The following RABGAP1L variants were observed in gnomAD, a reference collection of about 807,000 sequenced individuals.
RABGAP1L encodes RAB GTPase activating protein 1 like, also known as rab GTPase-activating protein 1-like.
A neutral mutation model predicts 137.7 loss-of-function variants in RABGAP1L; 63 were observed. That is an observed-to-expected ratio of 0.46 (90% confidence interval 0.37 to 0.56). RABGAP1L has a LOEUF of 0.56. Ranked by LOEUF, RABGAP1L falls within the 20% of genes least tolerant of loss-of-function variation. RABGAP1L has a pLI of 0.00. For synonymous variants in RABGAP1L, 431 were observed against 433.7 expected, an observed-to-expected ratio of 0.99 and a Z score of 0.08; for missense variants, 1,095 against 1,244.0, an observed-to-expected ratio of 0.88 and a Z score of 1.80.
At chr1:174,478,229 T>G (rs1488852283) in intron 13 of RABGAP1L, among the ~76,000 whole-genome samples, 1 of 151,780 alleles carries the variant, frequency 6.6e-6, no homozygotes, top group Non-Finnish European at 1.5e-5. Flanking sequence ...ATCTCTTAAC[T>G]TTTTTTTCCT....
chr1:174,693,577 TTTC>T (rs561506803), intron 15 of RABGAP1L, among the ~76,000 whole-genome samples: 1 of 152,212 alleles, frequency 6.6e-6, no homozygotes, highest in Non-Finnish European at 1.5e-5. Flanking sequence ...ATGCATCACT[TTTC>T]TTTTTTTTTG....
intron 17 of RABGAP1L, among the ~76,000 whole-genome samples, chr1:174,749,197 G>T (rs1684136297): frequency 6.6e-6 from 1 of 150,742 alleles, no homozygotes; most frequent in Non-Finnish European, 1.5e-5. Flanking sequence ...AAAGAAAAAA[G>T]AAAAGACATC....
At chr1:174,854,715 C>CTTTTTTTTTTTTTTGT (rs1648969284) in intron 19 of RABGAP1L, among the ~76,000 whole-genome samples, 1 of 56,860 alleles carries the variant, frequency 1.8e-5, no homozygotes. Flanking sequence ...AATATAAATG[C>CTTTTTTTTTTTTTTGT]TTTTTTTTTT....
chr1:174,805,570 C>T (rs1348876836), intron 18 of RABGAP1L, among the ~76,000 whole-genome samples: 13 of 152,160 alleles, frequency 8.5e-5, no homozygotes, highest in Admixed American at 3.3e-4. Context: ...GGCATGATCT[C>T]GGTTCACTGC....
At chr1:174,378,835 G>C (rs1685833412) in intron 12 of RABGAP1L, among the ~76,000 whole-genome samples, 1 of 121,952 alleles carries the variant, frequency 8.2e-6, no homozygotes, top group Non-Finnish European at 1.8e-5. Flanking sequence ...CATTGCTTTT[G>C]GTGTTTTGGA....
At chr1:174,241,401 T>TAAA in intron 4 of RABGAP1L, 82 bp from the exon 5 acceptor site, 1 of 721,574 alleles carries the variant, frequency 1.4e-6, no homozygotes, top group Non-Finnish European at 2.0e-6. Flanking sequence ...TCTTTTTTTT[T>TAAA]AAAAAAAAAA....
intron 13 of RABGAP1L, among the ~76,000 whole-genome samples, chr1:174,603,844 C>A (rs35216639): frequency 0.089 from 13,570 of 151,972 alleles, 824 homozygotes; most frequent in East Asian, 0.22. Flanking sequence ...AATGTCATCC[C>A]GAGCTAGATC....
intron 13 of RABGAP1L, among the ~76,000 whole-genome samples, chr1:174,541,196 A>G (rs1000769910): frequency 6.6e-6 from 1 of 152,166 alleles, no homozygotes; most frequent in African/African-American, 2.4e-5. Context: ...TTGGGCTGAG[A>G]TGATGGGGTT....
chr1:174,674,968 A>T (rs1480041360), intron 14 of RABGAP1L, among the ~76,000 whole-genome samples: 2 of 152,036 alleles, frequency 1.3e-5, no homozygotes, highest in African/African-American at 2.4e-5. Flanking sequence ...GTTTGAGTTC[A>T]TTGTAGATTC....
chr1:174,403,864 T>G (rs993971378), intron 13 of RABGAP1L, among the ~76,000 whole-genome samples: 1 of 152,002 alleles, frequency 6.6e-6, no homozygotes, highest in African/African-American at 2.4e-5. Context: ...TTTGACTTTG[T>G]ATTGGTTATA....
intron 19 of RABGAP1L, 57 bp downstream of exon 19, chr1:174,812,017 C>A: frequency 2.1e-6 from 3 of 1,447,678 alleles, no homozygotes; most frequent in East Asian, 5.0e-5. Flanking sequence ...AATAATATGA[C>A]AAATTATGTA....
intron 24 of RABGAP1L, among the ~76,000 whole-genome samples, chr1:174,987,284 A>G (rs1671672689): frequency 6.6e-6 from 1 of 151,986 alleles, no homozygotes; most frequent in East Asian, 1.9e-4. Flanking sequence ...CTTCTGCCTC[A>G]GCCGCCTGAG....
At chr1:174,316,248 T>C (rs1192997606) in intron 11 of RABGAP1L, among the ~76,000 whole-genome samples, 1 of 152,230 alleles carries the variant, frequency 6.6e-6, no homozygotes, top group Admixed American at 6.5e-5. Flanking sequence ...TGGTGTCTTA[T>C]TGAGTTCATT....
chr1:174,664,174 A>G lies in RABGAP1L; in HGVS notation c.1825-19348A>G, dbSNP rs146017277. Among the ~76,000 whole-genome samples the G allele has an allele frequency of 5.7e-3, 873 of 152,294 alleles. 11 individuals carry two copies. The highest frequency in any genetic ancestry group is 0.02 in the African/African-American group (826 of 41,554). On this transcript the variant is annotated intron_variant, in intron 14 of 25. Coordinates refer to ENST00000681986, the MANE Select transcript of RABGAP1L (RefSeq NM_001366446.1). ...GGGGTTCTCAGGAGCCTAGCCGTCT[A>G]TTATCCCCTAGGTGTAGTAATTCAG...
chr1:174,492,902 T>C (rs1660399906), intron 13 of RABGAP1L, among the ~76,000 whole-genome samples: 3 of 152,004 alleles, frequency 2.0e-5, no homozygotes. Context: ...GTATACTCAC[T>C]TTTTGTTTCC....
chr1:174,584,005 C>T (rs1384568802), intron 13 of RABGAP1L, among the ~76,000 whole-genome samples: 1 of 152,060 alleles, frequency 6.6e-6, no homozygotes, highest in Non-Finnish European at 1.5e-5. Context: ...GTTTTTTTCA[C>T]TTCCATAAGC....
At position 174,269,572 on chromosome 1, in the gene RABGAP1L, A is replaced by T. The variant is rs527580104; in HGVS notation, c.987-2842A>T. Among the ~76,000 whole-genome samples the T allele has an allele frequency of 8.9e-4, 136 of 152,244 alleles. 2 individuals are homozygous for T. In the Middle Eastern group the frequency reaches 0.014, roughly 15 times the overall value. On this transcript the variant is annotated intron_variant, in intron 7 of 25. Coordinates refer to ENST00000681986, the MANE Select transcript of RABGAP1L (RefSeq NM_001366446.1). ...AAATTTAAATGTAACAGTATAGTAGAGCCTGGCTTAAAGTTAAGACATTCA... is the reference window on the plus strand; with the variant it reads ...AAATTTAAATGTAACAGTATAGTAGTGCCTGGCTTAAAGTTAAGACATTCA...
At chr1:174,726,815 T>C (rs1184485633) in intron 17 of RABGAP1L, among the ~76,000 whole-genome samples, 1 of 152,208 alleles carries the variant, frequency 6.6e-6, no homozygotes, top group Non-Finnish European at 1.5e-5. Context: ...AAAGCAGTAG[T>C]GTGGCCCGTT....
chr1:174,616,776 G>A (rs1671919092), intron 13 of RABGAP1L, among the ~76,000 whole-genome samples: 2 of 152,346 alleles, frequency 1.3e-5, no homozygotes, highest in South Asian at 2.1e-4. Context: ...TGGAATGAAA[G>A]TTCTGTTAGA....
Sources: allele counts gnomAD v4.1 joint callset (sites outside exome capture counted in the v4.1 genomes callset), GRCh38; gene constraint gnomAD v4.1.1; transcripts MANE v1.5; gene names NCBI Gene and HGNC (gene_info 2026-07-23, HGNC 2026-07-21).